The following ASAP1 variants were observed in gnomAD, a reference collection of about 807,000 sequenced individuals.
The protein encoded by ASAP1 is arf-GAP with SH3 domain, ANK repeat and PH domain-containing protein 1.
In ASAP1, 43 loss-of-function variants were observed where a neutral mutation model predicts 145.2. That is an observed-to-expected ratio of 0.30 (90% confidence interval 0.23 to 0.38). The LOEUF is 0.38. Ranked by LOEUF, ASAP1 falls within the 10% of genes least tolerant of loss-of-function variation. ASAP1 has a pLI of 1.00. For synonymous variants in ASAP1, 546 were observed against 515.5 expected, an observed-to-expected ratio of 1.06 and a Z score of -0.80; for missense variants, 1,018 against 1,355.3, an observed-to-expected ratio of 0.75 and a Z score of 3.91.
intron 1 of ASAP1, among the ~76,000 whole-genome samples, chr8:130,434,273 T>C (rs2138801397): frequency 6.6e-6 from 1 of 152,242 alleles, no homozygotes; most frequent in South Asian, 2.1e-4. Context: ...ATTGCAAGGA[T>C]GCAGTGAGCT....
At chr8:130,305,672 C>A (rs1403756819) in intron 3 of ASAP1, among the ~76,000 whole-genome samples, 1 of 152,142 alleles carries the variant, frequency 6.6e-6, no homozygotes. Flanking sequence ...CCACTCCCAG[C>A]CTATTCATTC....
At chr8:130,440,104 ATC>A (rs1304652879) in intron 1 of ASAP1, among the ~76,000 whole-genome samples, 1 of 152,002 alleles carries the variant, frequency 6.6e-6, no homozygotes, top group East Asian at 1.9e-4. Context: ...TATCTCCAAG[ATC>A]TAAGTAGGCT....
intron 27 of ASAP1, among the ~76,000 whole-genome samples, chr8:130,072,581 G>A (rs970833586): frequency 3.7e-4 from 21 of 56,266 alleles, no homozygotes; most frequent in East Asian, 2.0e-3. Flanking sequence ...GCGTGAAAAC[G>A]GACTAATACA....
chr8:130,095,493 G>A (rs756922236), intron 24 of ASAP1, among the ~76,000 whole-genome samples: 1 of 151,776 alleles, frequency 6.6e-6, no homozygotes, highest in Non-Finnish European at 1.5e-5. Flanking sequence ...TAGAGATGGG[G>A]TTTTGCCATG....
At chr8:130,257,665 CAAGCTGTATCTCCTTTCGAAAATTCAAA>C (rs1324065496) in intron 3 of ASAP1, among the ~76,000 whole-genome samples, 1 of 152,030 alleles carries the variant, frequency 6.6e-6, no homozygotes, top group Non-Finnish European at 1.5e-5. Flanking sequence ...GGAAATACTC[CAAGCTGTATCTCCTTTCGAAAATTCAAA>C]AAGCATTAAT....
At chr8:130,157,752 T>C (rs775922356) in intron 12 of ASAP1, among the ~76,000 whole-genome samples, 4 of 152,318 alleles carry the variant, frequency 2.6e-5, no homozygotes, top group Middle Eastern at 3.4e-3. Context: ...GGTATCTGCA[T>C]AGATTTCTCT....
chr8:130,057,127 A>G (rs2097405985), intron 29 of ASAP1, among the ~76,000 whole-genome samples: 1 of 152,246 alleles, frequency 6.6e-6, no homozygotes, highest in Non-Finnish European at 1.5e-5. Context: ...TGACAAAGAA[A>G]GAACTGCAGA....
intron 1 of ASAP1, among the ~76,000 whole-genome samples, chr8:130,406,118 A>G (rs1399009815): frequency 1.3e-5 from 2 of 152,182 alleles, no homozygotes; most frequent in Non-Finnish European, 2.9e-5. Flanking sequence ...TAAGGGTAAA[A>G]CAAAGAATAC....
chr8:130,147,198 C>CAAA (rs559149769), intron 13 of ASAP1, among the ~76,000 whole-genome samples: 9 of 63,374 alleles, frequency 1.4e-4, no homozygotes, highest in Admixed American at 2.6e-4. Flanking sequence ...AATGCAGTCT[C>CAAA]AAAAAAAAAA....
At chr8:130,157,679 C>T (rs1019074468) in intron 12 of ASAP1, among the ~76,000 whole-genome samples, 16 of 152,194 alleles carry the variant, frequency 1.1e-4, no homozygotes, top group African/African-American at 3.9e-4. Flanking sequence ...ACTCTAGCTA[C>T]ATTGAACTCT....
Position 130,358,525 on chromosome 8 carries a change from C to G in ASAP1, c.60-382G>C, listed in dbSNP as rs1317040309. On this transcript the variant is annotated intron_variant, in intron 2 of 29. Transcript: ENST00000518721. This position sits in a 1 kb window ranked among gnomAD's most constrained non-coding sequence, Gnocchi z 4.1. The stretch of plus-strand genomic sequence containing the variant: ...GGCCGGCCGCTGGGGCGTGCGCGGG[C>G]TGGGCGGCTGGGGCGCCCGGCGCTG... Among the ~76,000 whole-genome samples the G allele has an allele frequency of 6.8e-6, 1 of 147,718 alleles. No homozygotes were observed. Among genetic ancestry groups the G allele is most frequent in the African/African-American group, 2.4e-5 (1 of 40,894 alleles).
At chr8:130,226,090 C>A (rs1242010745) in intron 4 of ASAP1, among the ~76,000 whole-genome samples, 4 of 150,078 alleles carry the variant, frequency 2.7e-5, no homozygotes, top group East Asian at 3.9e-4. Flanking sequence ...GCTGCCCAGG[C>A]TAGTCTCAAA....
At chr8:130,236,044 G>A (rs1021337072) in intron 4 of ASAP1, among the ~76,000 whole-genome samples, 2 of 152,068 alleles carry the variant, frequency 1.3e-5, no homozygotes, top group African/African-American at 4.8e-5. Context: ...ACCAGCTCAA[G>A]GTCACCTTGC....
intron 15 of ASAP1, among the ~76,000 whole-genome samples, chr8:130,131,177 C>CAAAG (rs1165900817): frequency 1.3e-5 from 2 of 151,740 alleles, no homozygotes; most frequent in African/African-American, 4.8e-5. Flanking sequence ...AACAAACAAA[C>CAAAG]AAACAAACAA....
intron 5 of ASAP1, among the ~76,000 whole-genome samples, chr8:130,200,100 T>C (rs990119497): frequency 3.3e-5 from 5 of 152,150 alleles, no homozygotes; most frequent in African/African-American, 1.2e-4. Flanking sequence ...TCTTGACTCT[T>C]AAATGACAGG....
At chr8:130,296,782 C>G (rs1016952193) in intron 3 of ASAP1, among the ~76,000 whole-genome samples, 1 of 152,004 alleles carries the variant, frequency 6.6e-6, no homozygotes, top group Non-Finnish European at 1.5e-5. Context: ...AAAAATTAAG[C>G]TACTTTCCAA....
At chr8:130,433,641 G>A (rs1251486482) in intron 1 of ASAP1, among the ~76,000 whole-genome samples, 2 of 152,242 alleles carry the variant, frequency 1.3e-5, no homozygotes, top group Admixed American at 1.3e-4. Flanking sequence ...GGATATGCAG[G>A]GAAATCTGTG....
intron 1 of ASAP1, among the ~76,000 whole-genome samples, chr8:130,413,824 G>A (rs1829363533): frequency 6.6e-6 from 1 of 152,304 alleles, no homozygotes; most frequent in South Asian, 2.1e-4. Context: ...AACATCTAAT[G>A]AGTGCCGATT....
chr8:130,197,658 C>CTGA (rs1004797891), intron 5 of ASAP1, among the ~76,000 whole-genome samples: 2 of 152,222 alleles, frequency 1.3e-5, no homozygotes, highest in Non-Finnish European at 2.9e-5. Flanking sequence ...GGCAAGTGCC[C>CTGA]TGATAGCAGT....
Sources: gnomAD v4.1 joint callset for allele counts (sites outside exome capture counted in the v4.1 genomes callset) on GRCh38, gnomAD v4.1.1 for gene constraint, Gnocchi (gnomAD v3.1) non-coding constraint, MANE v1.5 for transcripts, NCBI Gene and HGNC (gene_info 2026-07-23, HGNC 2026-07-21) for gene names.